The following MLLT3 variants were observed in gnomAD, a reference collection of about 807,000 sequenced individuals.
MLLT3 encodes MLLT3 super elongation complex subunit, also known as protein AF-9.
A neutral mutation model predicts 53.2 loss-of-function variants in MLLT3; 4 were observed. The observed-to-expected ratio is 0.08, with a 90% CI of 0.04 to 0.17. The LOEUF (loss-of-function observed/expected upper bound fraction) is 0.17. Ranked by LOEUF, MLLT3 falls within the 10% of genes least tolerant of loss-of-function variation. The pLI, the probability that MLLT3 is intolerant of heterozygous loss-of-function variation, is 1.00. For synonymous variants in MLLT3, 283 were observed against 230.6 expected (o/e 1.23, Z -2.06); for missense variants, 569 against 684.0 (o/e 0.83, Z 1.87).
At chr9:20,507,503 C>A (rs1168900050) in intron 2 of MLLT3, among the ~76,000 whole-genome samples, 1 of 151,964 alleles carries the variant, frequency 6.6e-6, no homozygotes, top group Admixed American at 6.6e-5. Flanking sequence ...TTAAAGCTTG[C>A]CTTTAAAAAA....
At chr9:20,383,427 C>T (rs987744516) in intron 5 of MLLT3, among the ~76,000 whole-genome samples, 3 of 151,678 alleles carry the variant, frequency 2.0e-5, no homozygotes, top group Non-Finnish European at 4.4e-5. Context: ...AACATCAAAC[C>T]TGGTTTGAAT....
At chr9:20,414,671 T>C (rs1822828203) in intron 4 of MLLT3, among the ~76,000 whole-genome samples, 1 of 152,226 alleles carries the variant, frequency 6.6e-6, no homozygotes, top group Non-Finnish European at 1.5e-5. Flanking sequence ...ATCTGAAGCA[T>C]GGAGTTTTAA....
chr9:20,542,423 T>A (rs1159243931), intron 2 of MLLT3, among the ~76,000 whole-genome samples: 10 of 152,070 alleles, frequency 6.6e-5, no homozygotes, highest in Admixed American at 6.6e-4. Context: ...GCTAATTTTT[T>A]GTATTTTTAG....
In MLLT3 at chr9:20,572,654, T is replaced by C. The variant is rs59806482; in HGVS notation, c.193+48000A>G. On this transcript the variant is annotated intron_variant, in intron 2 of 10. Coordinates refer to ENST00000380338, the MANE Select transcript of MLLT3 (RefSeq NM_004529.4). Reference sequence around the variant, plus strand: ...ACTAAAAATATAAAAATTAGCTGGATGTGATGGCAGGCGCCTGTAACCCCA... The same window carrying C: ...ACTAAAAATATAAAAATTAGCTGGACGTGATGGCAGGCGCCTGTAACCCCA... Among the ~76,000 whole-genome samples the C allele has an allele frequency of 9.2e-3, 1,405 of 152,062 alleles. 49 individuals are homozygous for C. In the East Asian group the frequency reaches 0.12, roughly 13 times the overall value.
At chr9:20,502,757 TC>T (rs1825279461) in intron 2 of MLLT3, among the ~76,000 whole-genome samples, 1 of 152,150 alleles carries the variant, frequency 6.6e-6, no homozygotes, top group Non-Finnish European at 1.5e-5. Context: ...CTGGAACCAA[TC>T]CCCTGCAGAT....
intron 2 of MLLT3, among the ~76,000 whole-genome samples, chr9:20,523,601 C>G (rs959295191): frequency 6.6e-6 from 1 of 152,152 alleles, no homozygotes; most frequent in Non-Finnish European, 1.5e-5. Context: ...ATGAAAGAAG[C>G]CAGTCTGAAA....
At chr9:20,610,896 T>C (rs1820685236) in intron 2 of MLLT3, among the ~76,000 whole-genome samples, 1 of 152,102 alleles carries the variant, frequency 6.6e-6, no homozygotes, top group Non-Finnish European at 1.5e-5. Context: ...GTCAACATTT[T>C]CAAATAACGT....
At chr9:20,459,393 C>T (rs1824052150) in intron 2 of MLLT3, among the ~76,000 whole-genome samples, 1 of 152,188 alleles carries the variant, frequency 6.6e-6, no homozygotes, top group Non-Finnish European at 1.5e-5. Flanking sequence ...ATTGTGAACA[C>T]TGGAGACAAG....
chr9:20,577,835 A>G (rs1819692398), intron 2 of MLLT3, among the ~76,000 whole-genome samples: 2 of 152,192 alleles, frequency 1.3e-5, no homozygotes, highest in Non-Finnish European at 2.9e-5. Flanking sequence ...GTGATAATGG[A>G]AGACTGCTCA....
chr9:20,442,872 T>C (rs1020893766), intron 4 of MLLT3, among the ~76,000 whole-genome samples: 2 of 152,154 alleles, frequency 1.3e-5, no homozygotes, highest in African/African-American at 4.8e-5. Context: ...ACTGGAAGCA[T>C]GTTCCCCATG....
At chr9:20,577,510 C>T (rs574396593) in intron 2 of MLLT3, among the ~76,000 whole-genome samples, 4 of 152,274 alleles carry the variant, frequency 2.6e-5, no homozygotes, top group Admixed American at 2.6e-4. Flanking sequence ...GTGAAATTCT[C>T]CCAGCAAGAC....
intron 2 of MLLT3, among the ~76,000 whole-genome samples, chr9:20,491,754 C>T (rs1045408053): frequency 1.3e-5 from 2 of 152,082 alleles, no homozygotes; most frequent in African/African-American, 4.8e-5. Flanking sequence ...ACCACATATA[C>T]ACCTGGAGCT....
At chr9:20,375,053 G>A (rs1207379628) in intron 5 of MLLT3, among the ~76,000 whole-genome samples, 2 of 152,240 alleles carry the variant, frequency 1.3e-5, no homozygotes, top group Non-Finnish European at 2.9e-5. Context: ...AAGCCAGGAA[G>A]AGAGACCTTA....
chr9:20,495,278 CT>C (rs920888022), intron 2 of MLLT3, among the ~76,000 whole-genome samples: 97 of 152,184 alleles, frequency 6.4e-4, no homozygotes, highest in Admixed American at 1.2e-3. Context: ...TCAGTATCCC[CT>C]GGGAGCTTGT....
intron 2 of MLLT3, among the ~76,000 whole-genome samples, chr9:20,539,479 G>A (rs892041133): frequency 6.6e-5 from 10 of 152,276 alleles, no homozygotes; most frequent in Non-Finnish European, 1.5e-4. Flanking sequence ...CATGGCTGAA[G>A]GCTGAAGGCA....
At chr9:20,567,353 T>G (rs973304362) in intron 2 of MLLT3, among the ~76,000 whole-genome samples, 2 of 146,412 alleles carry the variant, frequency 1.4e-5, no homozygotes, top group Non-Finnish European at 3.0e-5. Context: ...CCAATTAATA[T>G]GCAACTCAAT....
At chr9:20,410,589 A>T (rs1275206463) in intron 5 of MLLT3, 1 of 152,144 alleles carries the variant, frequency 6.6e-6, no homozygotes, top group Non-Finnish European at 1.5e-5. Context: ...TAAGTGATCG[A>T]TCCCTCAAAC....
rs546958020 is a variant in MLLT3 at position 20,620,007 on chromosome 9, G to C, written c.193+647C>G. 6.6e-6 allele frequency among the ~76,000 whole-genome samples: 1 copy of C among 152,270 alleles called. No homozygotes were observed. The highest frequency in any genetic ancestry group is 6.5e-5 in the Admixed American group (1 of 15,306). On this transcript the variant is annotated intron_variant, in intron 2 of 10. Coordinates refer to ENST00000380338, the MANE Select transcript of MLLT3 (RefSeq NM_004529.4). This position sits in a 1 kb window ranked among gnomAD's most constrained non-coding sequence, Gnocchi z 6.1. ...TCAGAATCAAAGGAGCAGTCAAGTG[G>C]CACGCGGGGGTGGGAGGGAGGAACG...
chr9:20,532,718 A>G, intron 2 of MLLT3: 1 of 262,634 alleles, frequency 3.8e-6, no homozygotes. Context: ...CGCTTTGTGA[A>G]ATGGCCCCAC....
Sources: gnomAD v4.1 joint callset for allele counts (sites outside exome capture counted in the v4.1 genomes callset) on GRCh38, gnomAD v4.1.1 for gene constraint, Gnocchi (gnomAD v3.1) non-coding constraint, MANE v1.5 for transcripts, NCBI Gene and HGNC (gene_info 2026-07-23, HGNC 2026-07-21) for gene names.